The following DSCAM variants were observed in gnomAD, a reference collection of about 807,000 sequenced individuals.
The protein encoded by DSCAM is DS cell adhesion molecule, also known as cell adhesion molecule DSCAM.
DSCAM carries 47 observed loss-of-function variants against 217.7 expected under a neutral mutation model. That is an observed-to-expected ratio of 0.22 (90% CI 0.17 to 0.28). DSCAM has a LOEUF of 0.28. Ranked by LOEUF, DSCAM falls within the 10% of genes least tolerant of loss-of-function variation. The pLI, the probability that DSCAM is intolerant of heterozygous loss-of-function variation, is 1.00. For synonymous variants in DSCAM, 1,056 were observed against 1,015.3 expected (o/e 1.04, Z -0.76); for missense variants, 2,080 against 2,618.3 (o/e 0.79, Z 4.49).
chr21:40,107,398 T>C (rs766694102), intron 20 of DSCAM, among the ~76,000 whole-genome samples: 1 of 152,196 alleles, frequency 6.6e-6, no homozygotes. Flanking sequence ...ATTAATATGA[T>C]CAATTTTACA....
chr21:40,585,256 A>G (rs1168625146), intron 3 of DSCAM, among the ~76,000 whole-genome samples: 2 of 151,746 alleles, frequency 1.3e-5, no homozygotes, highest in Non-Finnish European at 2.9e-5. Flanking sequence ...CACAAGCACA[A>G]AAAGGGTTGG....
At chr21:40,686,439 C>T (rs62224166) in intron 3 of DSCAM, among the ~76,000 whole-genome samples, 6,516 of 152,174 alleles carry the variant, frequency 0.043, 213 homozygotes, top group East Asian at 0.12. Context: ...ACACCACACA[C>T]ATATGTGGAC....
chr21:40,760,868 C>G (rs931370515), intron 1 of DSCAM, among the ~76,000 whole-genome samples: 2 of 152,228 alleles, frequency 1.3e-5, no homozygotes, highest in African/African-American at 4.8e-5. Context: ...CCAGCTGGGA[C>G]AGGGTCCCCA....
chr21:40,334,328 C>G (rs2074406872), intron 8 of DSCAM, among the ~76,000 whole-genome samples: 1 of 152,208 alleles, frequency 6.6e-6, no homozygotes, highest in African/African-American at 2.4e-5. Flanking sequence ...TCGCCTTCCT[C>G]AAACGGCTCC....
chr21:40,569,917 A>G (rs1305490269), intron 3 of DSCAM, among the ~76,000 whole-genome samples: 3 of 152,162 alleles, frequency 2.0e-5, no homozygotes, highest in South Asian at 2.1e-4. Context: ...AGCAGAAAAA[A>G]AAATTTGTGG....
chr21:40,313,292 G>T (rs1040885209), intron 8 of DSCAM, among the ~76,000 whole-genome samples: 1 of 151,990 alleles, frequency 6.6e-6, no homozygotes, highest in Non-Finnish European at 1.5e-5. Context: ...TTTTAATTGT[G>T]AACTGGTCCG....
At chr21:40,458,238 GC>G in intron 3 of DSCAM, among the ~76,000 whole-genome samples, 1 of 152,218 alleles carries the variant, frequency 6.6e-6, no homozygotes, top group Middle Eastern at 3.4e-3. Flanking sequence ...GGAAAAAAAT[GC>G]CAATCTTGAA....
chr21:40,488,427 C>T (rs1424716932), intron 3 of DSCAM, among the ~76,000 whole-genome samples: 1 of 152,212 alleles, frequency 6.6e-6, no homozygotes, highest in Non-Finnish European at 1.5e-5. Flanking sequence ...GGTTGTCTTT[C>T]TGCATCAGAT....
intron 32 of DSCAM, among the ~76,000 whole-genome samples, chr21:40,029,941 A>G (rs1211385408): frequency 6.6e-6 from 1 of 152,214 alleles, no homozygotes; most frequent in Non-Finnish European, 1.5e-5. Context: ...TTTATCATAA[A>G]TATTATACTA....
rs148566059 is a variant in DSCAM, at chr21:40,483,656, A to T, written c.509-114411T>A. ...TTAAGCTGTTTGTTGGAAATTATTT[A>T]TATATAATTCCTTTAACAACTATGA... On this transcript the variant is annotated intron_variant, in intron 3 of 32. Coordinates refer to ENST00000400454, the MANE Select transcript of DSCAM (RefSeq NM_001389.5). Among the ~76,000 whole-genome samples, 147 of 152,310 alleles carry T rather than the reference A, an allele frequency of 9.7e-4. 1 individual carries two copies. The highest frequency in any genetic ancestry group is 7.8e-4 in the Non-Finnish European group (53 of 68,026).
intron 2 of DSCAM, among the ~76,000 whole-genome samples, chr21:40,705,996 C>G (rs562959272): frequency 2.0e-5 from 3 of 152,028 alleles, no homozygotes; most frequent in African/African-American, 7.2e-5. Context: ...CTGGCTAACA[C>G]GGTGAAACCC....
At position 40,360,121 on chromosome 21, in the gene DSCAM, G is replaced by GTTTTTTTTTTTTTTTTTTTTTTTTTTTT. The variant is rs764160478; in HGVS notation, c.656-6379_656-6378insAAAAAAAAAAAAAAAAAAAAAAAAAAAA. ...TAGTGAGCATGGTACTTCATAGGTA[G>GTTTTTTTTTTTTTTTTTTTTTTTTTTTT]TCTTTTTTTTTTTTTTTTTTTTTTT... On this transcript the variant is annotated intron_variant, in intron 4 of 32. Coordinates refer to ENST00000400454, the MANE Select transcript of DSCAM (RefSeq NM_001389.5). Among the ~76,000 whole-genome samples the GTTTTTTTTTTTTTTTTTTTTTTTTTTTT allele has an allele frequency of 2.4e-5, 2 of 82,656 alleles. 1 individual carries two copies. 54.2% of individuals were successfully genotyped at this position (82,656 alleles called of 152,430 possible). A position where few individuals can be genotyped will look rare whatever the true frequency, so the allele number is the denominator to read the frequency against.
At chr21:40,785,395 C>A (rs1038186618) in intron 1 of DSCAM, among the ~76,000 whole-genome samples, 2 of 152,194 alleles carry the variant, frequency 1.3e-5, no homozygotes, top group Non-Finnish European at 2.9e-5. Context: ...GGAAAACTGC[C>A]TTTGTGGTCC....
chr21:40,137,594 TACACACACACACACACACACAC>T (rs3988428), intron 18 of DSCAM, among the ~76,000 whole-genome samples: 3 of 134,930 alleles, frequency 2.2e-5, no homozygotes, highest in African/African-American at 8.9e-5. Flanking sequence ...GGCTGTTTAA[TACACACACACACACACACACAC>T]ACACACACAC....
At chr21:40,654,894 T>C (rs2090056541) in intron 3 of DSCAM, among the ~76,000 whole-genome samples, 1 of 152,136 alleles carries the variant, frequency 6.6e-6, no homozygotes, top group African/African-American at 2.4e-5. Context: ...ACGCACATCT[T>C]TAGGGGCCAT....
At chr21:40,118,202 T>C (rs1200002703) in intron 20 of DSCAM, among the ~76,000 whole-genome samples, 1 of 152,156 alleles carries the variant, frequency 6.6e-6, no homozygotes, top group Non-Finnish European at 1.5e-5. Flanking sequence ...AAAGGAATTG[T>C]GACAGGGATG....
At chr21:40,666,769 A>T (rs1055965237) in intron 3 of DSCAM, among the ~76,000 whole-genome samples, 2 of 152,216 alleles carry the variant, frequency 1.3e-5, no homozygotes, top group Admixed American at 1.3e-4. Context: ...CAACAATGAC[A>T]TAAAAATGAA....
intron 8 of DSCAM, among the ~76,000 whole-genome samples, chr21:40,321,503 T>C (rs946424620): frequency 6.6e-6 from 1 of 152,224 alleles, no homozygotes; most frequent in East Asian, 1.9e-4. Context: ...TGTGCTGCTA[T>C]GTATTGTCTA....
intron 3 of DSCAM, among the ~76,000 whole-genome samples, chr21:40,399,273 A>AAAC (rs919013601): frequency 4.0e-5 from 4 of 100,428 alleles, no homozygotes; most frequent in Non-Finnish European, 7.9e-5. Context: ...CTGTCTCACA[A>AAAC]AACAAAACAA....
Sources: allele counts gnomAD v4.1 joint callset (sites outside exome capture counted in the v4.1 genomes callset), GRCh38; gene constraint gnomAD v4.1.1; transcripts MANE v1.5; gene names NCBI Gene and HGNC (gene_info 2026-07-23, HGNC 2026-07-21).